The following COPS7A variants were observed in gnomAD, a reference collection of about 807,000 sequenced individuals.
COPS7A encodes the protein COP9 signalosome subunit 7A, also known as COP9 signalosome complex subunit 7a.
COPS7A carries 20 observed loss-of-function variants against 35.2 expected under a neutral mutation model. That is an observed-to-expected ratio of 0.57 (90% CI 0.40 to 0.83). COPS7A has a LOEUF of 0.83. Ranked by LOEUF, COPS7A falls within the 40% of genes least tolerant of loss-of-function variation. The pLI, the probability that COPS7A is intolerant of heterozygous loss-of-function variation, is 0.00. For synonymous variants in COPS7A, 139 were observed against 141.4 expected, an observed-to-expected ratio of 0.98 and a Z score of 0.12; for missense variants, 247 against 347.5, an observed-to-expected ratio of 0.71 and a Z score of 2.30.
At chr12:6,726,431 G>A (rs185544854) in intron 2 of COPS7A, among the ~76,000 whole-genome samples, 53 of 151,106 alleles carry the variant, frequency 3.5e-4, no homozygotes, top group Non-Finnish European at 6.2e-4. Flanking sequence ...GCAAAACCCC[G>A]TCTCTGCTAA....
chr12:6,728,136 C>T, intron 3 of COPS7A, 87 bp from the exon 4 acceptor site: 3 of 1,450,730 alleles, frequency 2.1e-6, no homozygotes, highest in Non-Finnish European at 2.9e-6. Flanking sequence ...CCTGAATTGG[C>T]ATTGAAAGTG....
chr12:6,725,404 G>A (rs1325318104), intron 2 of COPS7A, among the ~76,000 whole-genome samples: 3 of 151,960 alleles, frequency 2.0e-5, no homozygotes, highest in African/African-American at 4.8e-5. Flanking sequence ...TGATCCGCCC[G>A]CCTTGACCTC....
intron 7 of COPS7A, 66 bp downstream of exon 7, chr12:6,730,886 G>A (rs1565469343): frequency 3.1e-6 from 5 of 1,600,358 alleles, no homozygotes; most frequent in East Asian, 2.2e-5. Flanking sequence ...GGACCTCACT[G>A]TCCTCATTTC....
Position 6,731,294 on chromosome 12 carries a change from T to C in COPS7A, c.*255T>C, listed in dbSNP as rs1229628800. ...CCCCGCTGCCATGCTCTCTCCCTTG[T>C]TTCCTTAAGAGCTCAGCATCTGTCC... On this transcript the variant is annotated 3_prime_UTR_variant, in exon 8 of 8. Coordinates refer to ENST00000543155, the MANE Select transcript of COPS7A (RefSeq NM_001164094.2). 5 of 1,433,104 alleles carry C rather than the reference T, an allele frequency of 3.5e-6. No individual in the cohort carries two copies. The East Asian group carries it at 1.3e-4, about 36-fold the overall frequency. The allele number at this position is 1,433,104 out of a possible 1,614,324, so 88.8% of individuals were successfully genotyped here. A position where few individuals can be genotyped will look rare whatever the true frequency, so the allele number is the denominator to read the frequency against.
chr12:6,724,208 C>T (rs1458789091), intron 1 of COPS7A, 29 bp downstream of exon 1: 5 of 269,838 alleles, frequency 1.9e-5, no homozygotes, highest in Non-Finnish European at 3.0e-5. Flanking sequence ...CGGGAGCCCA[C>T]GGTCGCTGGG....
Position 6,724,747 on chromosome 12 carries a change from A to G in COPS7A, c.91A>G (p.Ile31Val), listed in dbSNP as rs754279549. 2 of 1,614,130 alleles carry G rather than the reference A, an allele frequency of 1.2e-6. No individual in the cohort carries two copies. Among genetic ancestry groups the G allele is most frequent in the Non-Finnish European group, 1.7e-6 (2 of 1,180,004 alleles). The change falls in exon 2 of 8, where the codon ATC becomes GTC. Residue 31 changes from isoleucine to valine, a missense_variant. Physicochemically the swap from Ile to Val is conservative, Grantham distance 29 (BLOSUM62 3). Transcript: ENST00000543155. The part of the protein sequence containing the change: ...SAKGAALATL[I>V]HQVLEAPGVY... ...CAAGGGGGCAGCGCTGGCCACACTCATCCATCAGGTGCTGGAGGCCCCTGG... is the reference window on the plus strand; with the variant it reads ...CAAGGGGGCAGCGCTGGCCACACTCGTCCATCAGGTGCTGGAGGCCCCTGG...
chr12:6,724,757 T>G lies in COPS7A; in HGVS notation c.101T>G (p.Val34Gly), dbSNP rs1941207962. Residue 34 changes from valine (V) to glycine (G), a missense_variant, in exon 2 of 8, where the codon GTG (valine) becomes GGG (glycine). Coordinates refer to ENST00000543155, the MANE Select transcript of COPS7A (RefSeq NM_001164094.2). ...GAALATLIHQ[V>G]LEAPGVYVFG... The stretch of plus-strand genomic sequence containing the variant: ...GCGCTGGCCACACTCATCCATCAGG[T>G]GCTGGAGGCCCCTGGTGTCTACGTG... The G allele has an allele frequency of 6.2e-7, 1 of 1,614,174 alleles. No individual in the cohort carries two copies. Among genetic ancestry groups the G allele is most frequent in the Non-Finnish European group, 8.5e-7 (1 of 1,180,018 alleles).
Position 6,729,351 on chromosome 12 carries a change from C to T in COPS7A, c.432C>T (p.Ser144=), listed in dbSNP as rs1211332474. 4.3e-6 allele frequency: 7 copies of T among 1,614,180 alleles called. No individual in the cohort carries two copies. The highest frequency in any genetic ancestry group is 5.1e-6 in the Non-Finnish European group (6 of 1,180,038). Residue 144 remains serine (S), a synonymous_variant, in exon 5 of 8, where the codon TCC becomes TCT. Transcript: ENST00000543155. This position sits in a 1 kb window ranked among gnomAD's most constrained non-coding sequence, Gnocchi z 4.2. ...EAVYADVLRG[S]LDQRNQRLEV... Reference sequence around the variant, plus strand: ...TGTATGCTGACGTGCTTCGTGGCTCCCTGGACCAGCGCAACCAGCGGCTCG... The same window carrying T: ...TGTATGCTGACGTGCTTCGTGGCTCTCTGGACCAGCGCAACCAGCGGCTCG...
At chr12:6,725,006 T>G (rs1475483171) in intron 2 of COPS7A, among the ~76,000 whole-genome samples, 188 bp downstream of exon 2, 1 of 152,112 alleles carries the variant, frequency 6.6e-6, no homozygotes, top group African/African-American at 2.4e-5. Flanking sequence ...AGATAAGGGA[T>G]CTGTAAAGCC....
At chr12:6,730,578 T>C in intron 6 of COPS7A, 71 bp downstream of exon 6, 1 of 1,611,590 alleles carries the variant, frequency 6.2e-7, no homozygotes, top group Non-Finnish European at 8.5e-7. Context: ...CAGAGAGAAT[T>C]TGGACAGTGG....
intron 5 of COPS7A, 54 bp from the exon 6 acceptor site, chr12:6,730,344 TGTGA>T (rs1364290692): frequency 5.8e-6 from 9 of 1,542,330 alleles, no homozygotes; most frequent in African/African-American, 1.4e-5. Flanking sequence ...GTCAGTTTTC[TGTGA>T]GTCTGTGATC....
chr12:6,725,842 CT>C (rs1339841664), intron 2 of COPS7A: 8 of 455,980 alleles, frequency 1.8e-5, no homozygotes, highest in Non-Finnish European at 3.5e-5. Context: ...AACTGGCTGA[CT>C]TTTCCCTGCT....
In COPS7A at chr12:6,731,024, G is replaced by C; in HGVS notation, c.813G>C (p.Trp271Cys). 1 of 1,613,946 alleles carries C rather than the reference G, an allele frequency of 6.2e-7. No individual in the cohort carries two copies. The highest frequency in any genetic ancestry group is 8.5e-7 in the Non-Finnish European group (1 of 1,179,948). Residue 271 changes from tryptophan (W) to cysteine (C), a missense_variant, in exon 8 of 8, where the codon TGG becomes TGC. Coordinates refer to ENST00000543155, the MANE Select transcript of COPS7A (RefSeq NM_001164094.2). Reference sequence around the variant, plus strand: ...GGCTCCGAGGGAGCGCCAAGATTTGGTCCAAGTCGAATTGAAAGGACTGTC... The same window carrying C: ...GGCTCCGAGGGAGCGCCAAGATTTGCTCCAAGTCGAATTGAAAGGACTGTC... ...GKGLRGSAKI[W>C]SKSN
In COPS7A at chr12:6,729,582, C is replaced by T. The variant is rs569252223; in HGVS notation, c.530+133C>T. On this transcript the variant is annotated intron_variant, in intron 5 of 7. Transcript: ENST00000543155. This position sits in a 1 kb window ranked among gnomAD's most constrained non-coding sequence, Gnocchi z 4.2. ...GAGGATGAAGGGAAATGAGTTCATC[C>T]CTCCAAAGGCTTCTGGGGAATGCAG... The T allele has an allele frequency of 8.2e-5, 76 of 930,258 alleles. No homozygotes were observed. In the African/African-American group the frequency reaches 1.1e-3, roughly 14 times the overall value. 57.6% of individuals were successfully genotyped at this position (930,258 alleles called of 1,614,324 possible).
intron 5 of COPS7A, among the ~76,000 whole-genome samples, chr12:6,730,158 A>G (rs1435709399): frequency 6.6e-6 from 1 of 152,184 alleles, no homozygotes; most frequent in Admixed American, 6.5e-5. Context: ...ACGGGACTAC[A>G]GGCTCGTGTC....
chr12:6,727,935 A>G lies in COPS7A; in HGVS notation c.172A>G (p.Ser58Gly). 1.9e-6 allele frequency: 3 copies of G among 1,614,122 alleles called. No individual in the cohort carries two copies. The highest frequency in any genetic ancestry group is 1.7e-6 in the Non-Finnish European group (2 of 1,180,030). Residue 58 changes from serine (S) to glycine (G), a missense_variant, in exon 3 of 8, where the codon AGT (serine) becomes GGT (glycine). By Grantham distance (56) the Ser-to-Gly change is moderately conservative. Coordinates refer to ENST00000543155, the MANE Select transcript of COPS7A (RefSeq NM_001164094.2). ...TTCCTCATTCTCGCAGCTGGCTGAG[A>G]GTGACTTTGCCTCTACCTTCCGGCT... is the stretch of plus-strand genomic sequence containing the variant. The part of the protein sequence containing the change: ...DMPNVRELAE[S>G]DFASTFRLLT...
At position 6,730,972 on chromosome 12, in the gene COPS7A, C is replaced by T. The variant is rs115573296; in HGVS notation, c.789-28C>T. Reference sequence around the variant, plus strand: ...GGGATTCCCTGCATTCTCTCTCTCTCTCTCTTTCTCTCTCTTCTCCTTGCC... The same window carrying T: ...GGGATTCCCTGCATTCTCTCTCTCTTTCTCTTTCTCTCTCTTCTCCTTGCC... On this transcript the variant is annotated intron_variant, in intron 7 of 7. Coordinates refer to ENST00000543155, the MANE Select transcript of COPS7A (RefSeq NM_001164094.2). 1,030 of 1,605,226 alleles carry T rather than the reference C, an allele frequency of 6.4e-4. 6 individuals are homozygous for T. In the African/African-American group the frequency reaches 0.012, roughly 19 times the overall value.
chr12:6,725,441 G>A (rs1941229502), intron 2 of COPS7A, among the ~76,000 whole-genome samples: 1 of 152,078 alleles, frequency 6.6e-6, no homozygotes, highest in African/African-American at 2.4e-5. Flanking sequence ...ACAGGCTTGA[G>A]CCACCGCACC....
At chr12:6,727,336 C>CA (rs11411867) in intron 2 of COPS7A, among the ~76,000 whole-genome samples, 56,036 of 87,998 alleles carry the variant, frequency 0.64, 17,832 homozygotes, top group South Asian at 0.71. Context: ...GACTCTGTCT[C>CA]AAAAAAAAAA....
Sources: allele counts gnomAD v4.1 joint callset (sites outside exome capture counted in the v4.1 genomes callset), GRCh38; gene constraint gnomAD v4.1.1; non-coding constraint Gnocchi (gnomAD v3.1); transcripts MANE v1.5; gene names NCBI Gene and HGNC (gene_info 2026-07-23, HGNC 2026-07-21).